POU2F1: variants seen among roughly 807,000 people sequenced by gnomAD.
POU2F1 encodes the protein POU domain, class 2, transcription factor 1.
In POU2F1, 16 loss-of-function variants were observed where a neutral mutation model predicts 84.9. The ratio of observed to expected loss-of-function variants is 0.19; its 90% confidence interval spans 0.13 to 0.29. The LOEUF (loss-of-function observed/expected upper bound fraction) is 0.29, where lower values mean the gene tolerates loss of function less well. POU2F1 is among the 10% of genes least tolerant of loss of function. POU2F1 has a pLI of 1.00. For synonymous variants in POU2F1, 368 were observed against 368.3 expected, an observed-to-expected ratio of 1.00 and a Z score of 0.01; for missense variants, 738 against 942.6, an observed-to-expected ratio of 0.78 and a Z score of 2.84.
intron 1 of POU2F1, among the ~76,000 whole-genome samples, chr1:167,303,061 G>A (rs997971598): frequency 2.6e-5 from 4 of 151,478 alleles, no homozygotes; most frequent in South Asian, 2.1e-4. Context: ...TATCTATATC[G>A]TCTATCTATG....
intron 13 of POU2F1, among the ~76,000 whole-genome samples, chr1:167,409,658 A>G (rs772570948): frequency 1.3e-5 from 2 of 152,220 alleles, no homozygotes; most frequent in Non-Finnish European, 2.9e-5. Context: ...CCTAGGTTAA[A>G]TTCACTGATA....
At chr1:167,226,865 C>T (rs1177938200) in intron 1 of POU2F1, among the ~76,000 whole-genome samples, 1 of 152,182 alleles carries the variant, frequency 6.6e-6, no homozygotes, top group African/African-American at 2.4e-5. Context: ...GTGTTGCCTA[C>T]ATTTGCTGAC....
chr1:167,379,261 C>T (rs1353579714), intron 7 of POU2F1: 3 of 152,062 alleles, frequency 2.0e-5, no homozygotes, highest in African/African-American at 7.2e-5. Flanking sequence ...TGTGAATGGC[C>T]CAATATCTTC....
intron 2 of POU2F1, among the ~76,000 whole-genome samples, chr1:167,345,518 A>C (rs12726006): frequency 1.9e-3 from 294 of 152,336 alleles, no homozygotes; most frequent in Non-Finnish European, 3.3e-3. Context: ...GTCATAATCC[A>C]AGTTAGGAAG....
intron 1 of POU2F1, among the ~76,000 whole-genome samples, chr1:167,313,184 TAC>T (rs1261738336): frequency 1.3e-5 from 2 of 152,118 alleles, no homozygotes; most frequent in African/African-American, 2.4e-5. Context: ...TCAAGGAAGA[TAC>T]AGAGTAAGGG....
At chr1:167,361,474 G>T (rs1162467752) in intron 2 of POU2F1, among the ~76,000 whole-genome samples, 1 of 151,968 alleles carries the variant, frequency 6.6e-6, no homozygotes, top group Admixed American at 6.6e-5. Context: ...AGTTAATCAC[G>T]TACTGATTTG....
At chr1:167,233,100 A>G (rs528821141) in intron 1 of POU2F1, among the ~76,000 whole-genome samples, 1 of 150,532 alleles carries the variant, frequency 6.6e-6, no homozygotes, top group Non-Finnish European at 1.5e-5. Context: ...CATGTTTTTA[A>G]CTATACTTTT....
intron 1 of POU2F1, among the ~76,000 whole-genome samples, chr1:167,251,641 G>T (rs1175979063): frequency 2.0e-5 from 3 of 151,878 alleles, no homozygotes; most frequent in Non-Finnish European, 4.4e-5. Context: ...TCCATTAAAG[G>T]GCTCATACTT....
At chr1:167,294,876 G>T (rs1321026327) in intron 1 of POU2F1, among the ~76,000 whole-genome samples, 3 of 152,136 alleles carry the variant, frequency 2.0e-5, no homozygotes, top group African/African-American at 7.2e-5. Flanking sequence ...GCTCACACCT[G>T]TAATCCCAGC....
chr1:167,309,739 T>G (rs1655331668), intron 1 of POU2F1, among the ~76,000 whole-genome samples: 1 of 152,172 alleles, frequency 6.6e-6, no homozygotes, highest in Non-Finnish European at 1.5e-5. Context: ...TAAGCTTAAT[T>G]AGGCATTTTA....
At chr1:167,378,639 C>T (rs976749645) in intron 7 of POU2F1, among the ~76,000 whole-genome samples, 9 of 152,066 alleles carry the variant, frequency 5.9e-5, no homozygotes, top group African/African-American at 1.7e-4. Flanking sequence ...CTCCTGATCT[C>T]GGGTGATCCG....
At chr1:167,271,693 T>G (rs1332106680) in intron 1 of POU2F1, among the ~76,000 whole-genome samples, 1 of 152,148 alleles carries the variant, frequency 6.6e-6, no homozygotes, top group Non-Finnish European at 1.5e-5. Flanking sequence ...TGTGGAAGGC[T>G]TAGAACTGGA....
At position 167,389,624 on chromosome 1, in the gene POU2F1, A is replaced by G; in HGVS notation, c.850A>G (p.Ile284Val). The G allele has an allele frequency of 6.2e-7, 1 of 1,614,204 alleles. No individual in the cohort carries two copies. The highest frequency in any genetic ancestry group is 8.5e-7 in the Non-Finnish European group (1 of 1,180,040). Residue 284 changes from isoleucine to valine, a missense_variant, in exon 9 of 16, where the codon ATT becomes GTT. Physicochemically the swap from Ile to Val is conservative, Grantham distance 29 (BLOSUM62 3). Coordinates refer to ENST00000367866, the MANE Select transcript of POU2F1 (RefSeq NM_002697.4). ...AACACGCACAATAGCAGCAACCCCA[A>G]TTCAGACACTTCCACAGAGCCAGTC... ...TPTRTIAATP[I>V]QTLPQSQSTP...
At chr1:167,311,769 A>ACCATTTAT (rs1655488979) in intron 1 of POU2F1, among the ~76,000 whole-genome samples, 1 of 107,882 alleles carries the variant, frequency 9.3e-6, no homozygotes, top group Non-Finnish European at 2.0e-5. Context: ...ATTACAAAAA[A>ACCATTTAT]TCATTTATTT....
intron 1 of POU2F1, among the ~76,000 whole-genome samples, chr1:167,275,030 G>GTTTTTT (rs1202443333): frequency 2.5e-5 from 3 of 120,756 alleles, no homozygotes; most frequent in African/African-American, 6.2e-5. Flanking sequence ...TCAAATAAAT[G>GTTTTTT]TATTTTTTTT....
At chr1:167,340,091 T>C (rs532453912) in intron 2 of POU2F1, among the ~76,000 whole-genome samples, 1 of 152,340 alleles carries the variant, frequency 6.6e-6, no homozygotes, top group Non-Finnish European at 1.5e-5. Flanking sequence ...GAACCATTCT[T>C]TTTTTAAGAT....
intron 7 of POU2F1, chr1:167,379,680 T>G (rs530567150): frequency 6.6e-6 from 1 of 152,176 alleles, no homozygotes; most frequent in East Asian, 1.9e-4. Context: ...TCAGAAAGAC[T>G]TAGGAAGGTC....
chr1:167,375,977 G>A (rs1399526756), intron 6 of POU2F1, 52 bp from the exon 7 acceptor site: 3 of 1,604,510 alleles, frequency 1.9e-6, no homozygotes, highest in Non-Finnish European at 2.6e-6. Context: ...TTATAATTAA[G>A]CGAACTTTTA....
chr1:167,338,217 G>C (rs1357733942), intron 2 of POU2F1: 2 of 466,420 alleles, frequency 4.3e-6, no homozygotes, highest in African/African-American at 4.0e-5. Context: ...ATGAAGACAA[G>C]GATGAAGATC....
Sources: allele counts gnomAD v4.1 joint callset (sites outside exome capture counted in the v4.1 genomes callset), GRCh38; gene constraint gnomAD v4.1.1; transcripts MANE v1.5; gene names NCBI Gene and HGNC (gene_info 2026-07-23, HGNC 2026-07-21).